UNC5C: variants seen among roughly 807,000 people sequenced by gnomAD.
The protein encoded by UNC5C is unc-5 netrin receptor C, also known as netrin receptor UNC5C.
UNC5C carries 47 observed loss-of-function variants against 99.8 expected under a neutral mutation model. The ratio of observed to expected loss-of-function variants is 0.47; its 90% CI spans 0.37 to 0.60. The LOEUF (loss-of-function observed/expected upper bound fraction) is 0.60. Ranked by LOEUF, UNC5C falls within the 20% of genes least tolerant of loss-of-function variation. The probability of loss-of-function intolerance (pLI) is 0.00; values close to 1 mark genes in which losing one functional copy is unlikely to be tolerated. For synonymous variants in UNC5C, 487 were observed against 452.2 expected (o/e 1.08, Z -0.98); for missense variants, 1,062 against 1,165.9 (o/e 0.91, Z 1.30).
At chr4:95,476,010 T>C (rs1289222830) in intron 1 of UNC5C, among the ~76,000 whole-genome samples, 1 of 152,108 alleles carries the variant, frequency 6.6e-6, no homozygotes, top group African/African-American at 2.4e-5. Flanking sequence ...TAAGTAAATA[T>C]TTTGGAATGA....
chr4:95,384,089 C>G (rs28408138), intron 1 of UNC5C, among the ~76,000 whole-genome samples: 1 of 152,108 alleles, frequency 6.6e-6, no homozygotes, highest in Admixed American at 6.6e-5. Flanking sequence ...ATGATTTACT[C>G]TAAGATAAAG....
chr4:95,358,458 T>C (rs375427463), intron 1 of UNC5C, among the ~76,000 whole-genome samples: 3 of 152,194 alleles, frequency 2.0e-5, no homozygotes, highest in Non-Finnish European at 4.4e-5. Flanking sequence ...CTGAAGAAGA[T>C]GGTAAGGGTA....
intron 4 of UNC5C, among the ~76,000 whole-genome samples, chr4:95,251,911 T>C (rs1739753164): frequency 1.3e-5 from 2 of 152,160 alleles, no homozygotes; most frequent in African/African-American, 4.8e-5. Context: ...TCCTGAAATA[T>C]AGAAACATAT....
intron 4 of UNC5C, among the ~76,000 whole-genome samples, chr4:95,269,886 AT>A (rs375879794): frequency 2.0e-5 from 3 of 151,170 alleles, no homozygotes; most frequent in African/African-American, 4.9e-5. Flanking sequence ...CTAATTTTGT[AT>A]TTTTTTTAGT....
chr4:95,400,147 T>A (rs1054049293), intron 1 of UNC5C, among the ~76,000 whole-genome samples: 1 of 152,156 alleles, frequency 6.6e-6, no homozygotes, highest in Non-Finnish European at 1.5e-5. Flanking sequence ...CATCATCCCC[T>A]CTCTTTGCGT....
chr4:95,532,939 G>T (rs570683607), intron 1 of UNC5C, among the ~76,000 whole-genome samples: 1 of 148,994 alleles, frequency 6.7e-6, no homozygotes, highest in South Asian at 2.1e-4. Flanking sequence ...AAGAAAAAAA[G>T]TTCTACTGAT....
intron 5 of UNC5C, 84 bp downstream of exon 5, chr4:95,250,403 A>C: frequency 2.1e-6 from 3 of 1,424,742 alleles, no homozygotes; most frequent in Non-Finnish European, 2.9e-6. Flanking sequence ...TGAAATTTTA[A>C]AAAAAGGGCT....
intron 1 of UNC5C, among the ~76,000 whole-genome samples, chr4:95,503,284 G>T (rs1456175479): frequency 1.3e-5 from 2 of 151,972 alleles, no homozygotes; most frequent in Non-Finnish European, 2.9e-5. Flanking sequence ...CAGCAAGAAG[G>T]CCCTAGAAAG....
At chr4:95,545,772 G>GCA (rs3975180) in intron 1 of UNC5C, among the ~76,000 whole-genome samples, 17,574 of 148,332 alleles carry the variant, frequency 0.12, 1,248 homozygotes, top group African/African-American at 0.21. Context: ...GCGCGCGCGC[G>GCA]CACACACACA....
At position 95,530,899 on chromosome 4, in the gene UNC5C, C is replaced by T. The variant is rs959740114; in HGVS notation, c.124+17835G>A. ...AATCAAGATTCGATGACCTTTGAAA[C>T]CATCAAAATTAATTTAAAAAAGGAA... On this transcript the variant is annotated intron_variant, in intron 1 of 15. Coordinates refer to ENST00000453304, the MANE Select transcript of UNC5C (RefSeq NM_003728.4). 2.4e-4 allele frequency among the ~76,000 whole-genome samples: 36 copies of T among 152,176 alleles called. 1 individual carries two copies. The highest frequency in any genetic ancestry group is 7.9e-4 in the African/African-American group (33 of 41,528).
chr4:95,185,193 T>C lies in UNC5C; in HGVS notation c.2140A>G (p.Ile714Val). 1 of 1,605,826 alleles carries C rather than the reference T, an allele frequency of 6.2e-7. No individual in the cohort carries two copies. Among genetic ancestry groups the C allele is most frequent in the Admixed American group, 1.7e-5 (1 of 57,564 alleles). ...LDDTQDALKE[I>V]LHLERQMGGQ... is the part of the protein sequence containing the mutation. ...CCCATCTGTCTCTCAAGATGTAAAA[T>C]TTCCTATAATGACATGCCCCAAACC... is the stretch of plus-strand genomic sequence containing the variant. Residue 714 changes from isoleucine to valine, a missense_variant, in exon 13 of 16, where the codon ATT (isoleucine) becomes GTT (valine). By Grantham distance (29) the Ile-to-Val change is conservative (BLOSUM62 3). Around this residue, in one of 3 missense-constraint regions of UNC5C, gnomAD observed 810 missense variants for 854.5 expected, o/e 0.95. Coordinates refer to ENST00000453304, the MANE Select transcript of UNC5C (RefSeq NM_003728.4).
intron 3 of UNC5C, among the ~76,000 whole-genome samples, chr4:95,291,946 C>T (rs1560772810): frequency 6.6e-6 from 1 of 151,824 alleles, no homozygotes; most frequent in Admixed American, 6.6e-5. Context: ...TTCTGGTGTA[C>T]AGGGGAGCCT....
At position 95,335,586 on chromosome 4, in the gene UNC5C, G is replaced by T; in HGVS notation, c.170C>A (p.Pro57Gln). The T allele has an allele frequency of 1.9e-6, 3 of 1,610,266 alleles. No individual in the cohort carries two copies. The highest frequency in any genetic ancestry group is 2.5e-6 in the Non-Finnish European group (3 of 1,178,140). The change falls in exon 2 of 16, where the codon CCA becomes CAA. Residue 57 changes from proline (P) to glutamine (Q), a missense_variant. By Grantham distance (76) the Pro-to-Gln change is moderately conservative (BLOSUM62 -1). Transcript: ENST00000453304. ...AAGGAAATGTGGCAGAGGCTCAGGT[G>T]GATCAGAAGGAAAAGTTTCTGGGAG... ...HELPETFPSD[P>Q]PEPLPHFLIE...
At chr4:95,469,058 C>T (rs367551666) in intron 1 of UNC5C, among the ~76,000 whole-genome samples, 2 of 152,060 alleles carry the variant, frequency 1.3e-5, no homozygotes, top group South Asian at 2.1e-4. Context: ...CCAGTCATAA[C>T]CCTGACTGCA....
chr4:95,548,288 A>AC (rs904714032), intron 1 of UNC5C, among the ~76,000 whole-genome samples: 1 of 151,790 alleles, frequency 6.6e-6, no homozygotes, highest in African/African-American at 2.4e-5. Context: ...AGATCCTGCT[A>AC]CCCCAGTCTT....
chr4:95,544,563 T>C (rs1451946173), intron 1 of UNC5C, among the ~76,000 whole-genome samples: 1 of 152,232 alleles, frequency 6.6e-6, no homozygotes, highest in Admixed American at 6.5e-5. Flanking sequence ...TGGTTCTACT[T>C]CTGTCTTCCT....
At chr4:95,401,102 C>T (rs1049071904) in intron 1 of UNC5C, among the ~76,000 whole-genome samples, 1 of 151,646 alleles carries the variant, frequency 6.6e-6, no homozygotes, top group African/African-American at 2.4e-5. Context: ...TACTTTTTGT[C>T]CTTGAGATAT....
chr4:95,480,141 A>G (rs1353632245), intron 1 of UNC5C, among the ~76,000 whole-genome samples: 1 of 151,530 alleles, frequency 6.6e-6, no homozygotes, highest in African/African-American at 2.4e-5. Context: ...CAGTCTCTAT[A>G]ACTGTCTGAG....
chr4:95,410,143 A>G (rs975612058), intron 1 of UNC5C, among the ~76,000 whole-genome samples: 9 of 152,152 alleles, frequency 5.9e-5, no homozygotes, highest in African/African-American at 2.2e-4. Flanking sequence ...CCAGCCTGTA[A>G]GGAGGGTATT....
Sources: allele counts gnomAD v4.1 joint callset (sites outside exome capture counted in the v4.1 genomes callset), GRCh38; gene constraint gnomAD v4.1.1; regional missense constraint gnomAD v4.1.1; transcripts MANE v1.5; gene names NCBI Gene and HGNC (gene_info 2026-07-23, HGNC 2026-07-21).